Variants in CYYR1 observed in about 807,000 individuals in gnomAD.
CYYR1 encodes the protein cysteine and tyrosine rich 1.
In CYYR1, 14 loss-of-function variants were observed where a neutral mutation model predicts 15.2. That is an observed-to-expected ratio of 0.92 (90% CI 0.61 to 1.44). The LOEUF (loss-of-function observed/expected upper bound fraction) is 1.44. CYYR1 is among the 40% of genes most tolerant of loss of function. The pLI is 0.00. For missense variants in CYYR1, 228 were observed against 209.5 expected (o/e 1.09, Z -0.54); for synonymous variants, 80 against 77.4 (o/e 1.03, Z -0.18).
chr21:26,571,725 A>G (rs1248207481), intron 1 of CYYR1, among the ~76,000 whole-genome samples: 2 of 152,266 alleles, frequency 1.3e-5, no homozygotes, highest in African/African-American at 2.4e-5. Flanking sequence ...CAAATTTAAT[A>G]AAAGAAATAA....
intron 2 of CYYR1, among the ~76,000 whole-genome samples, chr21:26,549,837 G>GA (rs1979254111): frequency 2.0e-5 from 3 of 152,154 alleles, no homozygotes; most frequent in Admixed American, 6.5e-5. Flanking sequence ...AAAAGAATAA[G>GA]AAAAAATGCA....
chr21:26,553,695 T>A (rs1296025780), intron 2 of CYYR1, among the ~76,000 whole-genome samples: 2 of 152,180 alleles, frequency 1.3e-5, no homozygotes, highest in Non-Finnish European at 2.9e-5. Flanking sequence ...TCGTGCATTC[T>A]GTCCACGCTC....
At chr21:26,564,691 G>A in intron 2 of CYYR1, 2 of 1,114,754 alleles carry the variant, frequency 1.8e-6, no homozygotes, top group Non-Finnish European at 2.2e-6. Context: ...TGAGAAAGAG[G>A]GCACACAGCA....
intron 2 of CYYR1, among the ~76,000 whole-genome samples, chr21:26,517,393 G>A (rs1202355009): frequency 6.6e-6 from 1 of 152,084 alleles, no homozygotes; most frequent in Non-Finnish European, 1.5e-5. Context: ...GCTTGCAACT[G>A]AAAGAAAAAT....
intron 1 of CYYR1, among the ~76,000 whole-genome samples, chr21:26,570,024 CA>C (rs1037438745): frequency 2.8e-4 from 42 of 152,296 alleles, no homozygotes; most frequent in African/African-American, 9.6e-4. Context: ...CATTTACAAT[CA>C]CAACCTCTCC....
chr21:26,484,675 T>C (rs2065228138), intron 2 of CYYR1, among the ~76,000 whole-genome samples: 1 of 152,148 alleles, frequency 6.6e-6, no homozygotes, highest in Non-Finnish European at 1.5e-5. Flanking sequence ...AAATAATCAA[T>C]GGCCCAGTTA....
intron 2 of CYYR1, among the ~76,000 whole-genome samples, chr21:26,485,379 A>G (rs183926572): frequency 1.9e-3 from 282 of 152,192 alleles, no homozygotes; most frequent in Non-Finnish European, 3.4e-3. Flanking sequence ...ACACATGCAC[A>G]GAGTCATATA....
intron 2 of CYYR1, among the ~76,000 whole-genome samples, chr21:26,501,184 A>C (rs377370346): frequency 6.6e-6 from 1 of 152,154 alleles, no homozygotes; most frequent in Non-Finnish European, 1.5e-5. Flanking sequence ...CTAAAAATAC[A>C]AAAATTAGCT....
At chr21:26,479,596 C>T (rs1279457481) in intron 3 of CYYR1, among the ~76,000 whole-genome samples, 1 of 152,154 alleles carries the variant, frequency 6.6e-6, no homozygotes, top group Non-Finnish European at 1.5e-5. Context: ...TATTTTAATA[C>T]ATGGAACTTC....
intron 2 of CYYR1, among the ~76,000 whole-genome samples, chr21:26,489,136 C>T (rs1041746886): frequency 6.6e-6 from 1 of 152,162 alleles, no homozygotes; most frequent in African/African-American, 2.4e-5. Context: ...AAGCAAGAGA[C>T]TGCATTCAAT....
chr21:26,473,764 T>C (rs573014948), intron 3 of CYYR1, among the ~76,000 whole-genome samples: 1 of 152,240 alleles, frequency 6.6e-6, no homozygotes, highest in South Asian at 2.1e-4. Context: ...GAAAGAATAA[T>C]GCATGAGATG....
At chr21:26,525,990 G>A (rs1032187026) in intron 2 of CYYR1, among the ~76,000 whole-genome samples, 2 of 111,774 alleles carry the variant, frequency 1.8e-5, no homozygotes, top group African/African-American at 3.5e-5. Flanking sequence ...ACACAGACAG[G>A]AACAATGGAC....
intron 3 of CYYR1, among the ~76,000 whole-genome samples, chr21:26,479,370 G>T (rs1158948011): frequency 6.6e-6 from 1 of 151,772 alleles, no homozygotes; most frequent in East Asian, 1.9e-4. Context: ...AAGCACAGTT[G>T]CATGTAGAAG....
At chr21:26,514,103 A>G (rs1045751699) in intron 2 of CYYR1, among the ~76,000 whole-genome samples, 11 of 152,074 alleles carry the variant, frequency 7.2e-5, no homozygotes, top group Non-Finnish European at 1.3e-4. Context: ...GAAAGAAACT[A>G]CTATAGAGAG....
chr21:26,484,181 C>T (rs1391115951), intron 2 of CYYR1, among the ~76,000 whole-genome samples: 1 of 152,088 alleles, frequency 6.6e-6, no homozygotes, highest in East Asian at 1.9e-4. Context: ...AATATTAACG[C>T]TGTTAGATTA....
intron 2 of CYYR1, among the ~76,000 whole-genome samples, chr21:26,560,910 T>C (rs940816900): frequency 1.2e-4 from 19 of 152,196 alleles, no homozygotes; most frequent in African/African-American, 1.9e-4. Flanking sequence ...AGCTGTAAGA[T>C]AAATTGTGGA....
chr21:26,474,334 T>G (rs2065073694), intron 3 of CYYR1, among the ~76,000 whole-genome samples: 1 of 151,674 alleles, frequency 6.6e-6, no homozygotes, highest in Non-Finnish European at 1.5e-5. Flanking sequence ...ATTACAGGTG[T>G]GAGCCACCAT....
intron 2 of CYYR1, among the ~76,000 whole-genome samples, chr21:26,539,572 C>A (rs1343323298): frequency 6.6e-6 from 1 of 152,104 alleles, no homozygotes; most frequent in Non-Finnish European, 1.5e-5. Flanking sequence ...TTTTGCACAC[C>A]TGCCTTTAAA....
chr21:26,469,125 TAAAAG>T (rs1243719503), intron 3 of CYYR1, among the ~76,000 whole-genome samples: 6 of 152,050 alleles, frequency 3.9e-5, no homozygotes, highest in African/African-American at 7.2e-5. Context: ...CAGAGGTAGA[TAAAAG>T]AAAAGCTGCA....
Sources: allele counts gnomAD v4.1 joint callset (sites outside exome capture counted in the v4.1 genomes callset), GRCh38; gene constraint gnomAD v4.1.1; transcripts MANE v1.5; gene names NCBI Gene and HGNC (gene_info 2026-07-23, HGNC 2026-07-21).